Variants in OPRM1 observed in about 807,000 individuals in gnomAD.
The protein encoded by OPRM1 is mu-type opioid receptor.
OPRM1 carries 27 observed loss-of-function variants against 31.8 expected under a neutral mutation model. That is an observed-to-expected ratio of 0.85 (90% confidence interval 0.63 to 1.17). The LOEUF is 1.17. OPRM1 is among the 50% of genes most tolerant of loss of function. The pLI, the probability that OPRM1 is intolerant of heterozygous loss-of-function variation, is 0.00. For missense variants in OPRM1, 536 were observed against 511.1 expected (o/e 1.05, Z -0.47); for synonymous variants, 196 against 189.9 (o/e 1.03, Z -0.26).
chr6:154,112,008 G>T (rs962958245), intron 3 of OPRM1, among the ~76,000 whole-genome samples: 5 of 152,034 alleles, frequency 3.3e-5, no homozygotes, highest in Non-Finnish European at 5.9e-5. Context: ...CTTGTGATCC[G>T]CCCGCCTCGG....
intron 3 of OPRM1, among the ~76,000 whole-genome samples, chr6:154,163,014 G>C (rs1173235221): frequency 6.6e-6 from 1 of 152,096 alleles, no homozygotes; most frequent in Non-Finnish European, 1.5e-5. Context: ...GCAAACACTG[G>C]AGTCATTCTT....
At chr6:154,038,222 A>G (rs1354148066), upstream of OPRM1, among the ~76,000 whole-genome samples, 1 of 152,176 alleles carries the variant, frequency 6.6e-6, no homozygotes, top group Admixed American at 6.5e-5. Context: ...TTCAAGACCA[A>G]CTGAGGACAT....
intron 3 of OPRM1, among the ~76,000 whole-genome samples, chr6:154,169,357 TCA>T (rs764937431): frequency 4.0e-5 from 6 of 151,376 alleles, no homozygotes; most frequent in African/African-American, 1.2e-4. Flanking sequence ...TGAGACTCTG[TCA>T]CACACACACA....
chr6:154,240,361 A>G (rs912268465), intron 3 of OPRM1, among the ~76,000 whole-genome samples: 1 of 152,210 alleles, frequency 6.6e-6, no homozygotes, highest in Non-Finnish European at 1.5e-5. Context: ...AGCTATGACT[A>G]ATGTATTCAT....
chr6:154,064,743 A>G (rs559305788), intron 1 of OPRM1, among the ~76,000 whole-genome samples: 1 of 152,166 alleles, frequency 6.6e-6, no homozygotes, highest in Non-Finnish European at 1.5e-5. Flanking sequence ...TGTTGAAAAG[A>G]CTGTTCTTTC....
chr6:154,031,488 A>C (rs1779002160), intron 1 of OPRM1, among the ~76,000 whole-genome samples: 1 of 152,062 alleles, frequency 6.6e-6, no homozygotes, highest in African/African-American at 2.4e-5. Flanking sequence ...TAATCCTAGC[A>C]CTTTGAGAGA....
chr6:154,237,079 A>G (rs1780193938), intron 3 of OPRM1, among the ~76,000 whole-genome samples: 1 of 152,226 alleles, frequency 6.6e-6, no homozygotes, highest in South Asian at 2.1e-4. Flanking sequence ...AGATGAGTCT[A>G]TCAATTAGCT....
intron 1 of OPRM1, among the ~76,000 whole-genome samples, chr6:154,044,367 A>C (rs1780684106): frequency 6.6e-6 from 1 of 152,162 alleles, no homozygotes; most frequent in South Asian, 2.1e-4. Flanking sequence ...TCATATGTTT[A>C]AGCTTAAACA....
upstream of OPRM1, among the ~76,000 whole-genome samples, chr6:154,034,560 TAAATA>T (rs1194541878): frequency 2.6e-5 from 4 of 151,828 alleles, no homozygotes; most frequent in African/African-American, 4.8e-5. Context: ...AATAAATAAA[TAAATA>T]AAATAAAATA....
At chr6:154,198,631 T>TACACAAACACAC (rs145469219) in intron 3 of OPRM1, among the ~76,000 whole-genome samples, 2 of 146,698 alleles carry the variant, frequency 1.4e-5, no homozygotes, top group African/African-American at 2.5e-5. Context: ...AAATATTACA[T>TACACAAACACAC]ACACACACAC....
chr6:154,210,264 T>C (rs948593742), intron 3 of OPRM1, among the ~76,000 whole-genome samples: 1 of 152,168 alleles, frequency 6.6e-6, no homozygotes, highest in Non-Finnish European at 1.5e-5. Context: ...TTTGCCATTA[T>C]AAAACTGAAA....
intron 2 of OPRM1, 53 bp from the exon 3 acceptor site, chr6:154,090,899 A>C (rs188235307): frequency 1.6e-4 from 249 of 1,531,454 alleles, no homozygotes; most frequent in Admixed American, 2.8e-4. Flanking sequence ...TTAACACCTT[A>C]TGACATAATT....
chr6:154,077,876 T>A (rs1393676234), intron 1 of OPRM1, among the ~76,000 whole-genome samples: 1 of 129,820 alleles, frequency 7.7e-6, no homozygotes, highest in Non-Finnish European at 1.7e-5. Context: ...CCCCATCTAC[T>A]TTTTTTTTTT....
chr6:154,122,062 C>T lies in OPRM1; in HGVS notation c.*3341C>T, dbSNP rs1306810058. ...GAATACTGCAGAAGCTGATACTATC[C>T]GTTGTGGTTTTACAAATTCTAGAGG... On this transcript the variant is annotated 3_prime_UTR_variant, in exon 4 of 4. Coordinates refer to ENST00000330432, the MANE Select transcript of OPRM1 (RefSeq NM_000914.5). 3.3e-5 allele frequency among the ~76,000 whole-genome samples: 5 copies of T among 152,078 alleles called. No individual in the cohort carries two copies. The highest frequency in any genetic ancestry group is 2.0e-4 in the Admixed American group (3 of 15,248).
intron 1 of OPRM1, among the ~76,000 whole-genome samples, chr6:154,081,561 T>C (rs1286061936): frequency 1.3e-5 from 2 of 152,120 alleles, no homozygotes; most frequent in African/African-American, 4.8e-5. Flanking sequence ...TGGAAAAAAC[T>C]CAGCTTTCCT....
At chr6:154,089,181 A>G (rs1428412971) in intron 1 of OPRM1, among the ~76,000 whole-genome samples, 1 of 152,032 alleles carries the variant, frequency 6.6e-6, no homozygotes. Context: ...TATAGCTAAA[A>G]TTTTCTCTTT....
chr6:154,093,511 T>A, intron 3 of OPRM1: 1 of 1,596,928 alleles, frequency 6.3e-7, no homozygotes, highest in Non-Finnish European at 8.5e-7. Context: ...CATTTTCACA[T>A]CAGTATGGCT....
intron 1 of OPRM1, among the ~76,000 whole-genome samples, chr6:154,024,407 TA>T (rs1262917840): frequency 2.0e-5 from 3 of 151,982 alleles, no homozygotes; most frequent in African/African-American, 7.2e-5. Flanking sequence ...TATTGACTTT[TA>T]TTTTTTTGGA....
At chr6:154,087,821 T>C (rs1364778891) in intron 1 of OPRM1, 1 of 152,744 alleles carries the variant, frequency 6.5e-6, no homozygotes, top group Non-Finnish European at 1.5e-5. Flanking sequence ...ATATGTGGAA[T>C]GTTAAAAAAA....
Sources: gnomAD v4.1 joint callset for allele counts (sites outside exome capture counted in the v4.1 genomes callset) on GRCh38, gnomAD v4.1.1 for gene constraint, MANE v1.5 for transcripts, NCBI Gene and HGNC (gene_info 2026-07-23, HGNC 2026-07-21) for gene names.